GRID2: variants seen among roughly 807,000 people sequenced by gnomAD.
The protein encoded by GRID2 is glutamate receptor ionotropic, delta-2.
In GRID2, 33 loss-of-function variants were observed where a neutral mutation model predicts 114.8. That is an observed-to-expected ratio of 0.29 (90% CI 0.22 to 0.38). The LOEUF (loss-of-function observed/expected upper bound fraction) is 0.38, where lower values mean the gene tolerates loss of function less well. Ranked by LOEUF, GRID2 falls within the 10% of genes least tolerant of loss-of-function variation. The pLI is 1.00. For missense variants in GRID2, 1,184 were observed against 1,257.7 expected, an observed-to-expected ratio of 0.94 and a Z score of 0.89; for synonymous variants, 505 against 449.9, an observed-to-expected ratio of 1.12 and a Z score of -1.55.
chr4:93,725,659 T>C (rs1208832574), intron 14 of GRID2, among the ~76,000 whole-genome samples: 1 of 149,226 alleles, frequency 6.7e-6, no homozygotes, highest in Non-Finnish European at 1.5e-5. Flanking sequence ...TCCCTGACTT[T>C]TTAATGATCA....
At chr4:92,969,220 T>G (rs1417977503) in intron 2 of GRID2, among the ~76,000 whole-genome samples, 1 of 151,442 alleles carries the variant, frequency 6.6e-6, no homozygotes, top group African/African-American at 2.4e-5. Flanking sequence ...TAGATAGAGA[T>G]GGATGTAAAG....
chr4:92,934,839 A>G (rs1053856264), intron 2 of GRID2, among the ~76,000 whole-genome samples: 2 of 147,296 alleles, frequency 1.4e-5, no homozygotes, highest in African/African-American at 2.4e-5. Flanking sequence ...AGCCATATGT[A>G]GAAAGCTGAA....
intron 2 of GRID2, among the ~76,000 whole-genome samples, chr4:92,725,507 A>G (rs942628481): frequency 1.3e-5 from 2 of 152,170 alleles, no homozygotes; most frequent in Non-Finnish European, 2.9e-5. Context: ...TTAAAAGCAG[A>G]ACATCTGATA....
intron 5 of GRID2, among the ~76,000 whole-genome samples, chr4:93,216,406 T>A (rs1744223798): frequency 6.6e-6 from 1 of 152,066 alleles, no homozygotes; most frequent in South Asian, 2.1e-4. Context: ...ACTTACTTTG[T>A]GACCTTTTTA....
At chr4:92,542,555 C>T (rs1726023186) in intron 1 of GRID2, among the ~76,000 whole-genome samples, 2 of 151,756 alleles carry the variant, frequency 1.3e-5, no homozygotes, top group South Asian at 4.2e-4. Context: ...ATCGTATGTT[C>T]TCACTTATAA....
rs1560713515 is a variant in GRID2, at chr4:93,524,811, ATATGTATGTATG to A, written c.2193+9404_2193+9415del. ...TATATATATATATATATATATATAT[ATATGTATGTATG>A]TATATATATATATATATATATATAT... On this transcript the variant is annotated intron_variant, in intron 13 of 15. Transcript: ENST00000282020. Among the ~76,000 whole-genome samples the A allele has an allele frequency of 8.9e-4, 43 of 48,464 alleles. 1 individual carries two copies. The highest frequency in any genetic ancestry group is 3.0e-3 in the East Asian group (5 of 1,644). 31.8% of individuals were successfully genotyped at this position (48,464 alleles called of 152,430 possible).
At chr4:92,448,148 T>C (rs1281687705) in intron 1 of GRID2, among the ~76,000 whole-genome samples, 1 of 150,352 alleles carries the variant, frequency 6.7e-6, no homozygotes, top group Non-Finnish European at 1.5e-5. Flanking sequence ...TGTATGTATG[T>C]ATGTATGTAT....
chr4:93,084,863 C>T (rs1730191972), intron 2 of GRID2, 132 bp from the exon 3 acceptor site: 5 of 646,872 alleles, frequency 7.7e-6, no homozygotes, highest in South Asian at 2.0e-5. Context: ...CTCCTCATAT[C>T]GAATGTTCCT....
intron 1 of GRID2, among the ~76,000 whole-genome samples, chr4:92,394,836 A>T (rs1324122465): frequency 6.6e-6 from 1 of 151,798 alleles, no homozygotes; most frequent in Non-Finnish European, 1.5e-5. Flanking sequence ...TACATAAGTT[A>T]TTTTTAACAG....
chr4:93,616,911 T>C (rs1256177173), intron 13 of GRID2, among the ~76,000 whole-genome samples: 1 of 150,708 alleles, frequency 6.6e-6, no homozygotes, highest in Non-Finnish European at 1.5e-5. Context: ...GAGAATGGCG[T>C]GAACCCGGGA....
chr4:92,324,042 C>T (rs913466699), intron 1 of GRID2, among the ~76,000 whole-genome samples: 2 of 151,902 alleles, frequency 1.3e-5, no homozygotes, highest in African/African-American at 4.8e-5. Flanking sequence ...TCCATTTTTA[C>T]CTGTGCTCTA....
At chr4:92,800,953 T>A (rs1335286851) in intron 2 of GRID2, among the ~76,000 whole-genome samples, 2 of 151,936 alleles carry the variant, frequency 1.3e-5, no homozygotes, top group Non-Finnish European at 2.9e-5. Flanking sequence ...TAAGCCTCCG[T>A]TTTTTCATCC....
At position 92,815,185 on chromosome 4, in the gene GRID2, A is replaced by G. The variant is rs144230410; in HGVS notation, c.244+224899A>G. ...AAATATTACTATATTTCTCCATCAT[A>G]TTCTTATTAATATGATATAAACTTT... On this transcript the variant is annotated intron_variant, in intron 2 of 15. Coordinates refer to ENST00000282020, the MANE Select transcript of GRID2 (RefSeq NM_001510.4). 6.5e-3 allele frequency among the ~76,000 whole-genome samples: 988 copies of G among 152,216 alleles called. 18 individuals are homozygous for G. The highest frequency in any genetic ancestry group is 0.022 in the African/African-American group (927 of 41,568).
At chr4:93,100,610 G>C (rs1195530625) in intron 3 of GRID2, among the ~76,000 whole-genome samples, 1 of 151,904 alleles carries the variant, frequency 6.6e-6, no homozygotes, top group African/African-American at 2.4e-5. Flanking sequence ...AAAAGCCCAA[G>C]GTTTCAAATA....
intron 1 of GRID2, among the ~76,000 whole-genome samples, chr4:92,490,432 G>A (rs1453533775): frequency 6.6e-6 from 1 of 152,136 alleles, no homozygotes; most frequent in Non-Finnish European, 1.5e-5. Context: ...TCAGTTTAGT[G>A]TATTTATCAT....
intron 2 of GRID2, among the ~76,000 whole-genome samples, chr4:93,043,379 TACAG>T (rs576432773): frequency 5.3e-5 from 8 of 152,252 alleles, no homozygotes; most frequent in East Asian, 1.9e-4. Context: ...AAGGAAGAGA[TACAG>T]ACACATAAAT....
chr4:92,983,824 G>C (rs1209265588), intron 2 of GRID2, among the ~76,000 whole-genome samples: 1 of 152,068 alleles, frequency 6.6e-6, no homozygotes, highest in Non-Finnish European at 1.5e-5. Flanking sequence ...AGGTAGGAAG[G>C]CTTTACTGTC....
chr4:93,626,249 T>C lies in GRID2; in HGVS notation c.2194-20T>C. 6.7e-7 allele frequency: 1 copy of C among 1,493,750 alleles called. No homozygotes were observed. The highest frequency in any genetic ancestry group is 9.3e-7 in the Non-Finnish European group (1 of 1,080,558). 92.5% of individuals were successfully genotyped at this position (1,493,750 alleles called of 1,614,324 possible). On this transcript the variant is annotated intron_variant, in intron 13 of 15. Coordinates refer to ENST00000282020, the MANE Select transcript of GRID2 (RefSeq NM_001510.4). ...CAACTTTAAACCCTATTTCTTCTTT[T>C]GTTCTTCATTTTTTCACAGGTAAAA... is the stretch of plus-strand genomic sequence containing the variant.
At chr4:93,732,089 G>A (rs1025164769) in intron 14 of GRID2, among the ~76,000 whole-genome samples, 1 of 152,114 alleles carries the variant, frequency 6.6e-6, no homozygotes, top group African/African-American at 2.4e-5. Flanking sequence ...ATTCTAAAGA[G>A]GCAAAAACAT....
Sources: gnomAD v4.1 joint callset for allele counts (sites outside exome capture counted in the v4.1 genomes callset) on GRCh38, gnomAD v4.1.1 for gene constraint, MANE v1.5 for transcripts, NCBI Gene and HGNC (gene_info 2026-07-23, HGNC 2026-07-21) for gene names.